The following SRD5A2 variants were observed in gnomAD, a reference collection of about 807,000 sequenced individuals.
SRD5A2 encodes steroid 5 alpha-reductase 2.
SRD5A2 carries 30 observed loss-of-function variants against 27.4 expected under a neutral mutation model. That is an observed-to-expected ratio of 1.10 (90% CI 0.82 to 1.49). SRD5A2 has a LOEUF of 1.49. SRD5A2 is among the 40% of genes most tolerant of loss of function. The probability of loss-of-function intolerance (pLI) is 0.00; values close to 1 mark genes in which losing one functional copy is unlikely to be tolerated. For synonymous variants in SRD5A2, 141 were observed against 133.6 expected (o/e 1.06, Z -0.38); for missense variants, 348 against 323.4 (o/e 1.08, Z -0.58).
In SRD5A2 at chr2:31,575,903, G is replaced by A. The variant is rs1666949185; in HGVS notation, c.281+4717C>T. Among the ~76,000 whole-genome samples, 5 of 152,170 alleles carry A rather than the reference G, an allele frequency of 3.3e-5. No individual in the cohort carries two copies. The South Asian group carries it at 1.0e-3, about 32-fold the overall frequency. ...AAGTGATGTGACTGACCACTGTATG[G>A]AACACCAAGACTTCTTGGGAAAGTG... is the stretch of plus-strand genomic sequence containing the variant. On this transcript the variant is annotated intron_variant, in intron 1 of 4. Transcript: ENST00000622030.
At chr2:31,552,059 C>G (rs950426209) in intron 1 of SRD5A2, among the ~76,000 whole-genome samples, 25 of 151,636 alleles carry the variant, frequency 1.6e-4, no homozygotes, top group African/African-American at 6.1e-4. Context: ...TGGACTTCAT[C>G]AAAATTTAAA....
chr2:31,649,848 C>G, the SRD5A2 span, among the ~76,000 whole-genome samples: 183 of 152,184 alleles, frequency 1.2e-3, 1 homozygote, highest in East Asian at 0.033. Flanking sequence ...TTTCTGATGT[C>G]CATAAGTAAA....
intron 2 of SRD5A2, among the ~76,000 whole-genome samples, chr2:31,532,120 T>C (rs1358869414): frequency 1.3e-5 from 2 of 152,104 alleles, no homozygotes; most frequent in Non-Finnish European, 2.9e-5. Flanking sequence ...CAGGTAAACA[T>C]GCTAAGAATA....
chr2:31,554,449 G>A (rs1229852288), intron 1 of SRD5A2, among the ~76,000 whole-genome samples: 1 of 152,202 alleles, frequency 6.6e-6, no homozygotes, highest in Non-Finnish European at 1.5e-5. Context: ...GGAGAAAGAA[G>A]AGCTCTAGGT....
rs1665703871 is a variant in SRD5A2 at position 31,523,531 on chromosome 2, T to C, written c.*2665A>G. ...TACCTATAATGTGAAGTGGTAGGAA[T>C]AGCTGATGTCTGAGGTCTGCTTCAG... On this transcript the variant is annotated 3_prime_UTR_variant, in exon 5 of 5. Coordinates refer to ENST00000622030, the MANE Select transcript of SRD5A2 (RefSeq NM_000348.4). 4.5e-6 allele frequency: 1 copy of C among 220,698 alleles called. No homozygotes were observed. Among genetic ancestry groups the C allele is most frequent in the South Asian group, 1.8e-4 (1 of 5,410 alleles). The allele number at this position is 220,698 out of a possible 1,614,324, so 13.7% of individuals were successfully genotyped here. A position where few individuals can be genotyped will look rare whatever the true frequency, so the allele number is the denominator to read the frequency against.
chr2:31,610,100 G>A, the SRD5A2 span, among the ~76,000 whole-genome samples: 1 of 152,006 alleles, frequency 6.6e-6, no homozygotes, highest in Admixed American at 6.6e-5. Context: ...ATTTCAAGAA[G>A]AACTAATACC....
chr2:31,582,757 C>G (rs1423790798), upstream of SRD5A2, among the ~76,000 whole-genome samples: 1 of 152,196 alleles, frequency 6.6e-6, no homozygotes, highest in Non-Finnish European at 1.5e-5. Flanking sequence ...CCTCCACCCA[C>G]TTGGACCCAA....
the SRD5A2 span, among the ~76,000 whole-genome samples, chr2:31,632,761 T>C: frequency 6.6e-6 from 1 of 152,116 alleles, no homozygotes; most frequent in Non-Finnish European, 1.5e-5. Flanking sequence ...CCTTTCTAAT[T>C]ATACCTGAAA....
the SRD5A2 span, among the ~76,000 whole-genome samples, chr2:31,652,251 C>G: frequency 2.6e-5 from 4 of 152,228 alleles, no homozygotes; most frequent in Non-Finnish European, 5.9e-5. Flanking sequence ...CCACCACACC[C>G]AGCCCTAGTC....
the SRD5A2 span, among the ~76,000 whole-genome samples, chr2:31,634,902 A>G: frequency 6.6e-6 from 1 of 152,148 alleles, no homozygotes; most frequent in African/African-American, 2.4e-5. Context: ...TCCATTGGGT[A>G]TATGTAGCAC....
chr2:31,633,754 C>T, the SRD5A2 span, among the ~76,000 whole-genome samples: 6 of 152,242 alleles, frequency 3.9e-5, no homozygotes, highest in African/African-American at 7.2e-5. Context: ...GACTGCAAGA[C>T]AGGATTAGCT....
At chr2:31,552,690 G>C (rs1666404092) in intron 1 of SRD5A2, among the ~76,000 whole-genome samples, 1 of 152,154 alleles carries the variant, frequency 6.6e-6, no homozygotes, top group South Asian at 2.1e-4. Context: ...ATAGTTTGAT[G>C]GGGGCAGCTA....
At chr2:31,652,399 C>A in the SRD5A2 span, among the ~76,000 whole-genome samples, 1 of 151,872 alleles carries the variant, frequency 6.6e-6, no homozygotes, top group Non-Finnish European at 1.5e-5. Flanking sequence ...TCAAAATATG[C>A]ACTCAGTATC....
the SRD5A2 span, among the ~76,000 whole-genome samples, chr2:31,617,059 G>T: frequency 1.3e-5 from 2 of 152,042 alleles, no homozygotes; most frequent in African/African-American, 4.8e-5. Flanking sequence ...ATTCTGTCTT[G>T]CCTGCCACTA....
chr2:31,559,326 C>A (rs749638370), intron 1 of SRD5A2, among the ~76,000 whole-genome samples: 1 of 152,124 alleles, frequency 6.6e-6, no homozygotes, highest in Non-Finnish European at 1.5e-5. Context: ...TGGTATCTTT[C>A]CAGACAAAGA....
At chr2:31,572,526 C>T (rs902057550) in intron 1 of SRD5A2, among the ~76,000 whole-genome samples, 43 of 152,104 alleles carry the variant, frequency 2.8e-4, no homozygotes, top group Non-Finnish European at 5.4e-4. Flanking sequence ...AAAATATTTG[C>T]TAAGTTTATA....
At chr2:31,570,357 G>T (rs10204002) in intron 1 of SRD5A2, among the ~76,000 whole-genome samples, 16,240 of 152,054 alleles carry the variant, frequency 0.11, 934 homozygotes, top group Middle Eastern at 0.18. Context: ...AACAAATGAG[G>T]CATTAAAGAA....
chr2:31,588,208 G>T, the SRD5A2 span, among the ~76,000 whole-genome samples: 1 of 152,122 alleles, frequency 6.6e-6, no homozygotes, highest in Non-Finnish European at 1.5e-5. Flanking sequence ...TATTCAAAGG[G>T]CTAATAACAG....
chr2:31,635,028 C>T, the SRD5A2 span, among the ~76,000 whole-genome samples: 2 of 152,114 alleles, frequency 1.3e-5, no homozygotes, highest in African/African-American at 2.4e-5. Context: ...CATTGATTTC[C>T]TATCTTTCAG....
Sources: gnomAD v4.1 joint callset for allele counts (sites outside exome capture counted in the v4.1 genomes callset) on GRCh38, gnomAD v4.1.1 for gene constraint, MANE v1.5 for transcripts, NCBI Gene and HGNC (gene_info 2026-07-23, HGNC 2026-07-21) for gene names.